Variants in PTK2 observed in about 807,000 individuals in gnomAD.
PTK2 encodes the protein protein tyrosine kinase 2, also known as focal adhesion kinase 1.
In PTK2, 45 loss-of-function variants were observed where a neutral mutation model predicts 150.1. That is an observed-to-expected ratio of 0.30 (90% CI 0.24 to 0.38). The LOEUF (loss-of-function observed/expected upper bound fraction) is 0.38, where lower values mean the gene tolerates loss of function less well. PTK2 is among the 10% of genes least tolerant of loss of function. The pLI, the probability that PTK2 is intolerant of heterozygous loss-of-function variation, is 1.00. For missense variants in PTK2, 919 were observed against 1,307.3 expected, an observed-to-expected ratio of 0.70 and a Z score of 4.58; for synonymous variants, 432 against 449.2, an observed-to-expected ratio of 0.96 and a Z score of 0.48.
chr8:140,664,046 C>T (rs949731082), intron 31 of PTK2, among the ~76,000 whole-genome samples: 18 of 152,170 alleles, frequency 1.2e-4, no homozygotes, highest in Non-Finnish European at 2.4e-4. Context: ...TGCAATGGCA[C>T]GATCTCGGCT....
In PTK2 at chr8:140,869,013, T is replaced by C. The variant is rs112083321; in HGVS notation, c.363-4614A>G. On this transcript the variant is annotated intron_variant, in intron 4 of 31. Transcript: ENST00000522684. Reference sequence around the variant, plus strand: ...GAAACTGGCTGAAGGGTACACAGGATTTCTGTGTACTATTTTGCAACTTTT... The same window carrying C: ...GAAACTGGCTGAAGGGTACACAGGACTTCTGTGTACTATTTTGCAACTTTT... Among the ~76,000 whole-genome samples the C allele has an allele frequency of 5.9e-3, 892 of 152,260 alleles. 9 individuals are homozygous for C. Among genetic ancestry groups the C allele is most frequent in the African/African-American group, 0.021 (855 of 41,548 alleles).
intron 2 of PTK2, among the ~76,000 whole-genome samples, chr8:140,902,490 G>A (rs1411665754): frequency 6.6e-6 from 1 of 152,152 alleles, no homozygotes; most frequent in Admixed American, 6.5e-5. Flanking sequence ...TGGGATTGCT[G>A]GGTCAAATGG....
chr8:140,759,545 A>AAAAAAAAAAG (rs1565809439), intron 16 of PTK2, among the ~76,000 whole-genome samples: 6 of 149,560 alleles, frequency 4.0e-5, no homozygotes, highest in African/African-American at 1.5e-4. Context: ...AAAAAAAAAA[A>AAAAAAAAAAG]AAAAAAAAAG....
Position 140,713,917 on chromosome 8 carries a change from T to C in PTK2, c.2142+3681A>G, listed in dbSNP as rs1591737679. Among the ~76,000 whole-genome samples the C allele has an allele frequency of 3.3e-5, 5 of 152,316 alleles. No individual in the cohort carries two copies. The South Asian group carries it at 1.0e-3, about 32-fold the overall frequency. On this transcript the variant is annotated intron_variant, in intron 23 of 31. Transcript: ENST00000522684. ...GATTTATTTTTTTGAGACAAGGCCT[T>C]GTTCTGTTGCCCAGGCTGGAATGCA...
At chr8:140,929,638 G>A (rs1055373259) in intron 1 of PTK2, among the ~76,000 whole-genome samples, 1 of 152,080 alleles carries the variant, frequency 6.6e-6, no homozygotes, top group Admixed American at 6.5e-5. Flanking sequence ...AAAGCCGCAT[G>A]CAACTCCAAA....
intron 2 of PTK2, among the ~76,000 whole-genome samples, chr8:140,914,897 G>C (rs565528436): frequency 2.6e-4 from 40 of 152,118 alleles, no homozygotes; most frequent in Admixed American, 2.3e-3. Flanking sequence ...GCCGGGCATA[G>C]TGGTGCATGC....
intron 5 of PTK2, among the ~76,000 whole-genome samples, chr8:140,862,236 A>G (rs888690985): frequency 6.6e-6 from 1 of 152,186 alleles, no homozygotes; most frequent in African/African-American, 2.4e-5. Flanking sequence ...CTCGGTGGGT[A>G]GAATTTTTTT....
At chr8:140,986,927 C>G (rs1005095286) in intron 1 of PTK2, among the ~76,000 whole-genome samples, 2 of 152,064 alleles carry the variant, frequency 1.3e-5, no homozygotes, top group African/African-American at 4.8e-5. Context: ...AGAAAAAAAT[C>G]AGAAAAACCT....
intron 1 of PTK2, among the ~76,000 whole-genome samples, chr8:140,975,806 T>C (rs1031262): frequency 6.6e-6 from 1 of 151,934 alleles, no homozygotes; most frequent in Admixed American, 6.6e-5. Flanking sequence ...TCATGCTGCA[T>C]GCCAGGGAAC....
intron 4 of PTK2, among the ~76,000 whole-genome samples, chr8:140,872,857 A>G (rs1460375968): frequency 1.3e-5 from 2 of 152,226 alleles, no homozygotes; most frequent in African/African-American, 4.8e-5. Context: ...TTGAGGTAAA[A>G]TTAACATAAA....
chr8:140,799,008 T>C (rs775143605), intron 12 of PTK2, among the ~76,000 whole-genome samples: 1 of 152,230 alleles, frequency 6.6e-6, no homozygotes, highest in Non-Finnish European at 1.5e-5. Context: ...GAAAAATATA[T>C]GAATAGGCTT....
At position 140,869,219 on chromosome 8, in the gene PTK2, G is replaced by A. The variant is rs563105753; in HGVS notation, c.363-4820C>T. 3.4e-5 allele frequency among the ~76,000 whole-genome samples: 5 copies of A among 146,094 alleles called. No homozygotes were observed. The South Asian group carries it at 6.5e-4, about 19-fold the overall frequency. On this transcript the variant is annotated intron_variant, in intron 4 of 31. Transcript: ENST00000522684. ...ACCCACTTGAAACTAATTTTAAAGC[G>A]CCTGATATCTTGCCTCAATGAACAC...
chr8:140,704,253 T>A (rs1591294278), intron 24 of PTK2, among the ~76,000 whole-genome samples: 1 of 152,168 alleles, frequency 6.6e-6, no homozygotes, highest in East Asian at 1.9e-4. Flanking sequence ...TGAAGTAACA[T>A]CAGGAAATGT....
rs2100158651 is a variant in PTK2 at position 140,901,965 on chromosome 8, C to T, written c.-32-11196G>A. Among the ~76,000 whole-genome samples the T allele has an allele frequency of 2.6e-5, 4 of 151,946 alleles. No individual in the cohort carries two copies. The East Asian group carries it at 7.7e-4, about 29-fold the overall frequency. ...GAATGATGGTTTCCAGCTTCATCCA[C>T]GTCCCTGCAAAGGACATCAACTCAT... On this transcript the variant is annotated intron_variant, in intron 2 of 31. Transcript: ENST00000522684.
intron 5 of PTK2, among the ~76,000 whole-genome samples, chr8:140,862,318 TA>T (rs2100136660): frequency 6.6e-6 from 1 of 152,164 alleles, no homozygotes; most frequent in South Asian, 2.1e-4. Context: ...ATGAGTTATT[TA>T]AACTCTCTTG....
intron 8 of PTK2, among the ~76,000 whole-genome samples, chr8:140,819,641 A>G (rs764298447): frequency 9.2e-5 from 14 of 152,194 alleles, no homozygotes; most frequent in Non-Finnish European, 1.6e-4. Flanking sequence ...ATTAAAACCC[A>G]TATTACATTG....
At chr8:140,671,676 G>A (rs1019509430) in intron 29 of PTK2, among the ~76,000 whole-genome samples, 3 of 151,286 alleles carry the variant, frequency 2.0e-5, no homozygotes, top group African/African-American at 2.4e-5. Flanking sequence ...CACTTTGGGA[G>A]GCCGAGGCGG....
chr8:140,856,689 T>C (rs550981008), intron 5 of PTK2, among the ~76,000 whole-genome samples: 1 of 152,292 alleles, frequency 6.6e-6, no homozygotes, highest in East Asian at 1.9e-4. Flanking sequence ...ATATTCTACA[T>C]TCCAGAGGCA....
chr8:140,738,899 G>A (rs2100054078), intron 21 of PTK2, 119 bp downstream of exon 24: 2 of 521,942 alleles, frequency 3.8e-6, no homozygotes, highest in South Asian at 1.0e-4. Flanking sequence ...AGTCTGATGA[G>A]GAGATGATCA....
Sources: allele counts gnomAD v4.1 joint callset (sites outside exome capture counted in the v4.1 genomes callset), GRCh38; gene constraint gnomAD v4.1.1; transcripts MANE v1.5; gene names NCBI Gene and HGNC (gene_info 2026-07-23, HGNC 2026-07-21).